CUX2: variants seen among roughly 807,000 people sequenced by gnomAD.
CUX2 encodes homeobox protein cut-like 2.
Under a neutral mutation model 144.8 loss-of-function variants are expected in CUX2, and 40 were observed. The ratio of observed to expected loss-of-function variants is 0.28; its 90% CI spans 0.21 to 0.36. The LOEUF (loss-of-function observed/expected upper bound fraction) is 0.36, where lower values mean the gene tolerates loss of function less well. Among genes scored for constraint, CUX2 ranks in the 10% least tolerant of loss-of-function variants. The pLI is 1.00. For synonymous variants in CUX2, 827 were observed against 875.6 expected, an observed-to-expected ratio of 0.94 and a Z score of 0.98; for missense variants, 1,615 against 1,994.0, an observed-to-expected ratio of 0.81 and a Z score of 3.62.
At chr12:111,273,246 G>T (rs769738865) in intron 4 of CUX2, among the ~76,000 whole-genome samples, 14 of 152,140 alleles carry the variant, frequency 9.2e-5, no homozygotes, top group Non-Finnish European at 1.8e-4. Flanking sequence ...CATTTCTGGG[G>T]TACTTTCTGT....
At chr12:111,079,127 C>G (rs1871713460) in intron 1 of CUX2, among the ~76,000 whole-genome samples, 1 of 152,180 alleles carries the variant, frequency 6.6e-6, no homozygotes, top group Non-Finnish European at 1.5e-5. Context: ...CATCTCACTG[C>G]CTTTTACAAA....
At chr12:111,225,588 T>C (rs1238189845) in intron 3 of CUX2, among the ~76,000 whole-genome samples, 1 of 152,154 alleles carries the variant, frequency 6.6e-6, no homozygotes, top group African/African-American at 2.4e-5. Context: ...GAGCAGAAGA[T>C]GCAAACCTCA....
chr12:111,219,299 G>T (rs115239486), intron 3 of CUX2, among the ~76,000 whole-genome samples: 1 of 151,754 alleles, frequency 6.6e-6, no homozygotes, highest in Non-Finnish European at 1.5e-5. Context: ...TGGTTGCAAG[G>T]TGCCTGGGCT....
intron 1 of CUX2, among the ~76,000 whole-genome samples, chr12:111,206,748 AC>A (rs1245887683): frequency 7.2e-5 from 11 of 152,196 alleles, no homozygotes; most frequent in Non-Finnish European, 1.5e-4. Flanking sequence ...GTGATTGGGT[AC>A]CTGGATGCTG....
At chr12:111,207,645 C>T (rs912576957) in intron 1 of CUX2, among the ~76,000 whole-genome samples, 3 of 152,166 alleles carry the variant, frequency 2.0e-5, no homozygotes, top group African/African-American at 7.2e-5. Flanking sequence ...CATATCCTTA[C>T]AAGAGATACT....
chr12:111,259,257 C>T (rs1004714471), intron 3 of CUX2, among the ~76,000 whole-genome samples: 1 of 152,052 alleles, frequency 6.6e-6, no homozygotes, highest in African/African-American at 2.4e-5. Context: ...TTAGATGAAC[C>T]CCTAAAGCAA....
At chr12:111,301,960 A>G (rs899505040) in intron 9 of CUX2, among the ~76,000 whole-genome samples, 3 of 152,218 alleles carry the variant, frequency 2.0e-5, no homozygotes, top group African/African-American at 7.2e-5. Context: ...CCTTTAGTCC[A>G]GATCTCAGCT....
chr12:111,094,633 G>A (rs1256765904), intron 1 of CUX2, among the ~76,000 whole-genome samples: 2 of 152,170 alleles, frequency 1.3e-5, no homozygotes, highest in Non-Finnish European at 2.9e-5. Flanking sequence ...CAGTATCTGG[G>A]ACTACAGGCG....
intron 1 of CUX2, among the ~76,000 whole-genome samples, chr12:111,046,764 C>T (rs984471254): frequency 2.0e-5 from 3 of 152,136 alleles, no homozygotes; most frequent in Non-Finnish European, 4.4e-5. Context: ...TCAAGCAATT[C>T]GCCTGCCTCA....
intron 8 of CUX2, among the ~76,000 whole-genome samples, chr12:111,297,366 T>C (rs1435376434): frequency 6.6e-6 from 1 of 152,220 alleles, no homozygotes; most frequent in Admixed American, 6.5e-5. Context: ...ACTCTTCTCC[T>C]TCCTCTGAGT....
At chr12:111,141,902 T>G (rs1344164232) in intron 1 of CUX2, among the ~76,000 whole-genome samples, 3 of 152,030 alleles carry the variant, frequency 2.0e-5, no homozygotes, top group Admixed American at 6.6e-5. Flanking sequence ...CTGGCCAACA[T>G]GCGAAACCCT....
intron 3 of CUX2, among the ~76,000 whole-genome samples, chr12:111,229,259 G>A (rs922837623): frequency 1.3e-5 from 2 of 152,314 alleles, no homozygotes; most frequent in East Asian, 1.9e-4. Flanking sequence ...GCTGGACTGC[G>A]TGACCCCCTA....
chr12:111,047,681 G>T (rs972685012), intron 1 of CUX2, among the ~76,000 whole-genome samples: 3 of 152,202 alleles, frequency 2.0e-5, no homozygotes, highest in Non-Finnish European at 4.4e-5. Context: ...CAGAGTCTTT[G>T]CTCTGAATCT....
At chr12:111,202,285 G>C (rs1413208150) in intron 1 of CUX2, among the ~76,000 whole-genome samples, 1 of 152,200 alleles carries the variant, frequency 6.6e-6, no homozygotes, top group African/African-American at 2.4e-5. Context: ...CAGAGTGGGG[G>C]CTATTTTGTT....
chr12:111,330,342 G>A (rs1450570809), intron 18 of CUX2, among the ~76,000 whole-genome samples: 1 of 152,118 alleles, frequency 6.6e-6, no homozygotes, highest in African/African-American at 2.4e-5. Flanking sequence ...TGTAGTCCTT[G>A]CCTTCAAGGG....
Position 111,312,110 on chromosome 12 carries a change from C to T in CUX2, c.1911C>T (p.Thr637=). 2 of 1,610,174 alleles carry T rather than the reference C, an allele frequency of 1.2e-6. No homozygotes were observed. Among genetic ancestry groups the T allele is most frequent in the Non-Finnish European group, 1.7e-6 (2 of 1,177,022 alleles). The change falls in exon 16 of 22, where the codon ACC becomes ACT. Residue 637 remains threonine (T), a synonymous_variant. Coordinates refer to ENST00000261726, the MANE Select transcript of CUX2 (RefSeq NM_015267.4). This position sits in a 1 kb window ranked among gnomAD's most constrained non-coding sequence, Gnocchi z 4.3. The stretch of plus-strand genomic sequence containing the variant: ...TTCTTGCCTCCCCAGGCAGCATCAC[C>T]CCGAGAATCCGCACGCCTGAGACAG... The part of the protein sequence containing the change: ...TIQVRQRGSI[T]PRIRTPETGS...
At chr12:111,176,276 G>A (rs1266657387) in intron 1 of CUX2, among the ~76,000 whole-genome samples, 1 of 151,576 alleles carries the variant, frequency 6.6e-6, no homozygotes, top group Non-Finnish European at 1.5e-5. Context: ...TGAACTCCTG[G>A]CCTCGAGCAA....
chr12:111,187,373 G>T (rs796676710), intron 1 of CUX2, among the ~76,000 whole-genome samples: 1 of 152,070 alleles, frequency 6.6e-6, no homozygotes, highest in African/African-American at 2.4e-5. Flanking sequence ...GTCCCCGCTC[G>T]TTTAGGTCTT....
At position 111,263,625 on chromosome 12, in the gene CUX2, AAAAACAAAAC is replaced by A. The variant is rs766866652; in HGVS notation, c.223-111_223-102del. The A allele has an allele frequency of 1.3e-4, 98 of 765,732 alleles. No homozygotes were observed. The highest frequency in any genetic ancestry group is 4.9e-4 in the Middle Eastern group (2 of 4,090). 47.4% of individuals were successfully genotyped at this position (765,732 alleles called of 1,614,324 possible). On this transcript the variant is annotated intron_variant, in intron 3 of 21. Coordinates refer to ENST00000261726, the MANE Select transcript of CUX2 (RefSeq NM_015267.4). This position sits in a 1 kb window ranked among gnomAD's most constrained non-coding sequence, Gnocchi z 4.0. Reference sequence around the variant, plus strand: ...GGGCGACAGAGCAAGACTCTCTCTCAAAAACAAAACAAAACAAAACAAAACAAAACAAAAA... The same window carrying A: ...GGGCGACAGAGCAAGACTCTCTCTCAAAAACAAAACAAAACAAAACAAAAA...
Sources: gnomAD v4.1 joint callset for allele counts (sites outside exome capture counted in the v4.1 genomes callset) on GRCh38, gnomAD v4.1.1 for gene constraint, Gnocchi (gnomAD v3.1) non-coding constraint, MANE v1.5 for transcripts, NCBI Gene and HGNC (gene_info 2026-07-23, HGNC 2026-07-21) for gene names.